Variants in TMEM178B observed in about 807,000 individuals in gnomAD.
The protein encoded by TMEM178B is transmembrane protein 178B.
Under a neutral mutation model 31.0 loss-of-function variants are expected in TMEM178B, and 5 were observed. That is an observed-to-expected ratio of 0.16 (90% CI 0.08 to 0.34). TMEM178B has a LOEUF of 0.34. Ranked by LOEUF, TMEM178B falls within the 10% of genes least tolerant of loss-of-function variation. The probability of loss-of-function intolerance (pLI) is 1.00; values close to 1 mark genes in which losing one functional copy is unlikely to be tolerated. For synonymous variants in TMEM178B, 164 were observed against 164.0 expected, an observed-to-expected ratio of 1.00 and a Z score of 0.00; for missense variants, 275 against 400.3, an observed-to-expected ratio of 0.69 and a Z score of 2.67.
chr7:141,232,989 A>G (rs1797471402), intron 2 of TMEM178B, among the ~76,000 whole-genome samples: 1 of 152,048 alleles, frequency 6.6e-6, no homozygotes, highest in Admixed American at 6.6e-5. Context: ...GGATGATGCC[A>G]CTCCCTTAGG....
intron 2 of TMEM178B, among the ~76,000 whole-genome samples, chr7:141,436,370 C>T (rs545319136): frequency 1.1e-4 from 16 of 152,244 alleles, no homozygotes; most frequent in South Asian, 2.1e-4. Flanking sequence ...CAGAGAGGGA[C>T]GCCCAAGGAT....
intron 2 of TMEM178B, among the ~76,000 whole-genome samples, chr7:141,276,092 TAGAA>T (rs1402266450): frequency 1.2e-4 from 18 of 152,154 alleles, no homozygotes; most frequent in Non-Finnish European, 5.9e-5. Flanking sequence ...TCCTGAGTAT[TAGAA>T]AGGCTGAGGG....
At chr7:141,360,903 A>AG (rs1446769608) in intron 2 of TMEM178B, among the ~76,000 whole-genome samples, 2 of 151,532 alleles carry the variant, frequency 1.3e-5, no homozygotes, top group East Asian at 3.9e-4. Context: ...CCATGGTGGA[A>AG]GAAAAAAAAA....
chr7:141,489,061 A>G, the TMEM178B span, among the ~76,000 whole-genome samples: 1 of 152,120 alleles, frequency 6.6e-6, no homozygotes, highest in South Asian at 2.1e-4. Flanking sequence ...TAACATTTTG[A>G]CATACTTTTT....
At chr7:141,277,526 C>G (rs1241342561) in intron 2 of TMEM178B, among the ~76,000 whole-genome samples, 1 of 152,128 alleles carries the variant, frequency 6.6e-6, no homozygotes, top group Non-Finnish European at 1.5e-5. Context: ...GCCTGAGGCT[C>G]TTTTACAGTT....
At chr7:141,253,752 A>G (rs1242545881) in intron 2 of TMEM178B, among the ~76,000 whole-genome samples, 2 of 151,494 alleles carry the variant, frequency 1.3e-5, no homozygotes, top group Non-Finnish European at 2.9e-5. Flanking sequence ...GGGTTTCACC[A>G]TGTTGGCCAG....
intron 2 of TMEM178B, among the ~76,000 whole-genome samples, chr7:141,407,980 C>G (rs909535015): frequency 6.6e-6 from 1 of 152,264 alleles, no homozygotes; most frequent in East Asian, 1.9e-4. Context: ...ATGATGTAGG[C>G]AGGTCTCCTT....
At chr7:141,339,301 C>CCT (rs139897030) in intron 2 of TMEM178B, among the ~76,000 whole-genome samples, 183 of 152,280 alleles carry the variant, frequency 1.2e-3, no homozygotes, top group African/African-American at 4.2e-3. Context: ...AGGGCAGCCA[C>CCT]CTCTCGTCCG....
chr7:141,238,749 T>TA (rs1797569204), intron 2 of TMEM178B, among the ~76,000 whole-genome samples: 1 of 152,226 alleles, frequency 6.6e-6, no homozygotes, highest in African/African-American at 2.4e-5. Flanking sequence ...TATGCGGATC[T>TA]AGGCCTGTGT....
intron 2 of TMEM178B, chr7:141,429,692 G>C (rs1012521319): frequency 2.6e-5 from 4 of 152,180 alleles, no homozygotes; most frequent in Admixed American, 6.5e-5. Flanking sequence ...AAGAGTAGCT[G>C]TTACGTGCTC....
chr7:141,205,458 G>T (rs1391532211), intron 1 of TMEM178B, among the ~76,000 whole-genome samples: 1 of 152,114 alleles, frequency 6.6e-6, no homozygotes, highest in African/African-American at 2.4e-5. Flanking sequence ...CCTTGCCTTT[G>T]CCTTCGGTGC....
intron 2 of TMEM178B, among the ~76,000 whole-genome samples, chr7:141,312,625 A>G (rs73169512): frequency 0.016 from 2,381 of 152,330 alleles, 27 homozygotes; most frequent in Non-Finnish European, 0.023. Context: ...TTCAACTCGC[A>G]AAGTCAATCT....
chr7:141,498,800 C>T, the TMEM178B span, among the ~76,000 whole-genome samples: 1 of 152,162 alleles, frequency 6.6e-6, no homozygotes, highest in African/African-American at 2.4e-5. Flanking sequence ...AGTTTATTTT[C>T]AAGTCTAAAT....
chr7:141,253,546 T>TC (rs2116344303), intron 2 of TMEM178B, among the ~76,000 whole-genome samples: 2 of 132,532 alleles, frequency 1.5e-5, no homozygotes, highest in South Asian at 5.2e-4. Flanking sequence ...TTTCCCTTCT[T>TC]TTTTTTTTTT....
At chr7:141,116,794 G>T (rs189627872) in intron 1 of TMEM178B, among the ~76,000 whole-genome samples, 210 of 152,182 alleles carry the variant, frequency 1.4e-3, no homozygotes, top group African/African-American at 4.7e-3. Flanking sequence ...GTGTTAGTTT[G>T]CTGAGAATGA....
chr7:141,227,169 C>T (rs370892671), intron 2 of TMEM178B, among the ~76,000 whole-genome samples: 32 of 152,252 alleles, frequency 2.1e-4, no homozygotes, highest in African/African-American at 6.3e-4. Context: ...CGGCAGAGGC[C>T]GGGGCTGGAA....
At chr7:141,224,695 C>T (rs1020319000) in intron 2 of TMEM178B, among the ~76,000 whole-genome samples, 17 of 152,192 alleles carry the variant, frequency 1.1e-4, no homozygotes, top group African/African-American at 3.9e-4. Context: ...GGGAAGTGGA[C>T]TCAGATGGAG....
intron 2 of TMEM178B, among the ~76,000 whole-genome samples, chr7:141,360,768 A>C (rs1799904766): frequency 6.6e-6 from 1 of 152,230 alleles, no homozygotes; most frequent in Non-Finnish European, 1.5e-5. Context: ...ACAGTGTTTT[A>C]ACTGTGATTT....
At chr7:141,354,801 C>T (rs974776032) in intron 2 of TMEM178B, among the ~76,000 whole-genome samples, 1 of 152,142 alleles carries the variant, frequency 6.6e-6, no homozygotes, top group African/African-American at 2.4e-5. Flanking sequence ...TTACTTGCAC[C>T]ACCTCCTCCT....
Sources: allele counts gnomAD v4.1 joint callset (sites outside exome capture counted in the v4.1 genomes callset), GRCh38; gene constraint gnomAD v4.1.1; transcripts MANE v1.5; gene names NCBI Gene and HGNC (gene_info 2026-07-23, HGNC 2026-07-21).